KCNQ1: variants seen among roughly 807,000 people sequenced by gnomAD.
KCNQ1 encodes the protein potassium voltage-gated channel subfamily KQT member 1.
In KCNQ1, 49 loss-of-function variants were observed where a neutral mutation model predicts 72.4. That is an observed-to-expected ratio of 0.68 (90% confidence interval 0.54 to 0.86). The LOEUF (loss-of-function observed/expected upper bound fraction) is 0.86, where lower values mean the gene tolerates loss of function less well. Ranked by LOEUF, KCNQ1 falls within the 40% of genes least tolerant of loss-of-function variation. KCNQ1 has a pLI of 0.00. For synonymous variants in KCNQ1, 450 were observed against 412.6 expected, an observed-to-expected ratio of 1.09 and a Z score of -1.10; for missense variants, 790 against 945.1, an observed-to-expected ratio of 0.84 and a Z score of 2.15.
At chr11:2,719,858 T>C (rs1851173358) in intron 11 of KCNQ1, among the ~76,000 whole-genome samples, 1 of 152,030 alleles carries the variant, frequency 6.6e-6, no homozygotes, top group Admixed American at 6.6e-5. Flanking sequence ...CTTGGAGGTG[T>C]CCGAATAGTC....
chr11:2,538,685 G>A lies in KCNQ1; in HGVS notation c.477+10667G>A, dbSNP rs1847775083. Among the ~76,000 whole-genome samples, 1 of 152,030 alleles carries A rather than the reference G, an allele frequency of 6.6e-6. No individual in the cohort carries two copies. Among genetic ancestry groups the A allele is most frequent in the Admixed American group, 6.5e-5 (1 of 15,268 alleles). On this transcript the variant is annotated intron_variant, in intron 2 of 15. Transcript: ENST00000155840. The surrounding 1 kb of genome is among the most constrained non-coding windows in gnomAD (Gnocchi z 6.7). Reference sequence around the variant, plus strand: ...CCTGAGTATACGGGGCCTTGTGTGTGGAGGGGCCCTACGGTGAATCGTTTT... The same window carrying A: ...CCTGAGTATACGGGGCCTTGTGTGTAGAGGGGCCCTACGGTGAATCGTTTT...
rs897005676 is a variant in KCNQ1 at position 2,550,821 on chromosome 11, C to T, written c.478-19807C>T. On this transcript the variant is annotated intron_variant, in intron 2 of 15. Transcript: ENST00000155840. This position sits in a 1 kb window ranked among gnomAD's most constrained non-coding sequence, Gnocchi z 6.0. ...TGGACAGGAGCCAGGCTTCACCTAG[C>T]ACCTGGCTCCCCGGGGGCCCAGATG... Among the ~76,000 whole-genome samples the T allele has an allele frequency of 1.7e-4, 26 of 152,066 alleles. No homozygotes were observed. Among genetic ancestry groups the T allele is most frequent in the Admixed American group, 1.1e-3 (17 of 15,276 alleles).
chr11:2,629,055 T>A, intron 10 of KCNQ1: 1 of 398,330 alleles, frequency 2.5e-6, no homozygotes, highest in Non-Finnish European at 4.4e-6. Context: ...ATTGCTCAAG[T>A]ATGCTTTAGA....
In KCNQ1 at chr11:2,544,121, C is replaced by T. The variant is rs1847864366; in HGVS notation, c.477+16103C>T. ...AGCTGCTTACCAATTTTTGCAAAGCCTGGTAGAATTTTGTTTGGGATTGCA... is the reference window on the plus strand; with the variant it reads ...AGCTGCTTACCAATTTTTGCAAAGCTTGGTAGAATTTTGTTTGGGATTGCA... On this transcript the variant is annotated intron_variant, in intron 2 of 15. Transcript: ENST00000155840. This position sits in a 1 kb window ranked among gnomAD's most constrained non-coding sequence, Gnocchi z 4.4. Among the ~76,000 whole-genome samples, 3 of 151,842 alleles carry T rather than the reference C, an allele frequency of 2.0e-5. No homozygotes were observed. The South Asian group carries it at 6.2e-4, about 32-fold the overall frequency.
Position 2,689,930 on chromosome 11 carries a change from G to A in KCNQ1, c.1514+27849G>A. ...CTCCAACTTCTGGTACTCCCAGGCT[G>A]CCTCACCCAACGATGACAGTGACTA... On this transcript the variant is annotated intron_variant, in intron 11 of 15. Coordinates refer to ENST00000155840, the MANE Select transcript of KCNQ1 (RefSeq NM_000218.3). 3 of 398,818 alleles carry A rather than the reference G, an allele frequency of 7.5e-6. 1 individual carries two copies. The East Asian group carries it at 1.1e-4, about 14-fold the overall frequency. The allele number at this position is 398,818 out of a possible 1,614,324, so 24.7% of individuals were successfully genotyped here.
At chr11:2,604,184 G>T (rs1273965300) in intron 10 of KCNQ1, among the ~76,000 whole-genome samples, 5 of 151,980 alleles carry the variant, frequency 3.3e-5, no homozygotes, top group Admixed American at 2.6e-4. Flanking sequence ...GCATGAAAGA[G>T]ATATGAAAGG....
chr11:2,662,411 T>G (rs1849977715), intron 11 of KCNQ1: 1 of 416,106 alleles, frequency 2.4e-6, no homozygotes, highest in Admixed American at 3.9e-5. Flanking sequence ...AAGAGACGAC[T>G]TTGTTTTTTA....
chr11:2,575,199 C>T lies in KCNQ1; in HGVS notation c.921+2213C>T, dbSNP rs534782906. On this transcript the variant is annotated intron_variant, in intron 6 of 15. Coordinates refer to ENST00000155840, the MANE Select transcript of KCNQ1 (RefSeq NM_000218.3). ...CCCGCAGCAGAGCGGCACTCCCACTCCCACACCTGTGCAAACATCCGCCCG... is the reference window on the plus strand; with the variant it reads ...CCCGCAGCAGAGCGGCACTCCCACTTCCACACCTGTGCAAACATCCGCCCG... Among the ~76,000 whole-genome samples the T allele has an allele frequency of 1.9e-3, 284 of 152,342 alleles. 4 individuals carry two copies. The Middle Eastern group carries it at 0.024, about 13-fold the overall frequency.
rs1345778000 is a variant in KCNQ1 at position 2,566,945 on chromosome 11, A to G, written c.478-3683A>G. ...GGGATTGGGGGTGATGGGGGTGCTG[A>G]GCTGGCCTGAGAAGGGTGGGGTAAC... On this transcript the variant is annotated intron_variant, in intron 2 of 15. Transcript: ENST00000155840. The surrounding 1 kb of genome is among the most constrained non-coding windows in gnomAD (Gnocchi z 6.7). Among the ~76,000 whole-genome samples the G allele has an allele frequency of 1.2e-5, 1 of 85,924 alleles. No individual in the cohort carries two copies. The highest frequency in any genetic ancestry group is 2.3e-5 in the Non-Finnish European group (1 of 43,554). 56.4% of individuals were successfully genotyped at this position (85,924 alleles called of 152,430 possible). A position where few individuals can be genotyped will look rare whatever the true frequency, so the allele number is the denominator to read the frequency against.
At chr11:2,518,576 C>T (rs1847325672) in intron 1 of KCNQ1, among the ~76,000 whole-genome samples, 1 of 152,188 alleles carries the variant, frequency 6.6e-6, no homozygotes, top group African/African-American at 2.4e-5. Context: ...AGCTGAAACC[C>T]CAAGAGGCTG....
intron 11 of KCNQ1, chr11:2,672,544 C>T: frequency 2.5e-6 from 1 of 398,690 alleles, no homozygotes; most frequent in East Asian, 3.6e-5. Context: ...CTGTCTTCCA[C>T]ATTGGAAGGT....
intron 10 of KCNQ1, chr11:2,632,335 T>G: frequency 5.0e-6 from 2 of 398,496 alleles, no homozygotes; most frequent in Non-Finnish European, 8.8e-6. Context: ...ATAATTTTAA[T>G]TCTTCCTTTC....
rs190155887 is a variant in KCNQ1 at position 2,642,146 on chromosome 11, T to G, written c.1394-19815T>G. The G allele has an allele frequency of 4.0e-5, 16 of 398,462 alleles. No individual in the cohort carries two copies. The Admixed American group carries it at 6.6e-4, about 16-fold the overall frequency. 24.7% of individuals were successfully genotyped at this position (398,462 alleles called of 1,614,324 possible). On this transcript the variant is annotated intron_variant, in intron 10 of 15. Transcript: ENST00000155840. This position sits in a 1 kb window ranked among gnomAD's most constrained non-coding sequence, Gnocchi z 4.3. ...TCTGAATTTTAGGATTTTTTCTATT[T>G]CCATGAAAAATGGCATTGGTATTTT...
chr11:2,626,443 T>G lies in KCNQ1; in HGVS notation c.1394-35518T>G. 2.5e-6 allele frequency: 1 copy of G among 398,628 alleles called. No homozygotes were observed. Among genetic ancestry groups the G allele is most frequent in the African/African-American group, 2.1e-5 (1 of 48,760 alleles). 24.7% of individuals were successfully genotyped at this position (398,628 alleles called of 1,614,324 possible). On this transcript the variant is annotated intron_variant, in intron 10 of 15. Transcript: ENST00000155840. The surrounding 1 kb of genome is among the most constrained non-coding windows in gnomAD (Gnocchi z 4.0). ...TTTGATCATGTATACAAGGGTTTAT[T>G]TTTGGGCTCTCTATTCAATTCCATT...
rs199990610 is a variant in KCNQ1, at chr11:2,592,028, GAGTCCCCCGCAA to G, written c.1393+3179_1393+3190del. On this transcript the variant is annotated intron_variant, in intron 10 of 15. Transcript: ENST00000155840. The surrounding 1 kb of genome is among the most constrained non-coding windows in gnomAD (Gnocchi z 5.2). ...CAAGGCGGGTACGAACAGCCACACT[GAGTCCCCCGCAA>G]AGTCAAACCCAGGCCTCGACCTTGT... Among the ~76,000 whole-genome samples the G allele has an allele frequency of 2.4e-3, 360 of 152,368 alleles. 6 individuals are homozygous for G. Among genetic ancestry groups the G allele is most frequent in the Admixed American group, 0.018 (268 of 15,308 alleles).
At chr11:2,610,647 T>C in intron 10 of KCNQ1, 1 of 398,248 alleles carries the variant, frequency 2.5e-6, no homozygotes, top group Non-Finnish European at 4.4e-6. Context: ...TGTTTTTGTT[T>C]ATCTGGGAAT....
At position 2,482,902 on chromosome 11, in the gene KCNQ1, C is replaced by G. The variant is rs997273062; in HGVS notation, c.386+37418C>G. 6.6e-6 allele frequency among the ~76,000 whole-genome samples: 1 copy of G among 152,138 alleles called. No individual in the cohort carries two copies. Among genetic ancestry groups the G allele is most frequent in the African/African-American group, 2.4e-5 (1 of 41,414 alleles). On this transcript the variant is annotated intron_variant, in intron 1 of 15. Coordinates refer to ENST00000155840, the MANE Select transcript of KCNQ1 (RefSeq NM_000218.3). The surrounding 1 kb of genome is among the most constrained non-coding windows in gnomAD (Gnocchi z 5.7). ...CGAGGGTCACCCTCCAGGAAGTGAC[C>G]TGCAAGAGAATGGAGAGAGTCATGG...
In KCNQ1 at chr11:2,445,206, C is replaced by A; in HGVS notation, c.108C>A (p.Phe36Leu). ...CGGGCCTGGCCAAGAAGTGCCCCTTCTCGCTGGAGCTGGCGGAGGGCGGCC... is the reference window on the plus strand; with the variant it reads ...CGGGCCTGGCCAAGAAGTGCCCCTTATCGCTGGAGCTGGCGGAGGGCGGCC... The part of the protein sequence containing the change: ...GSAGLAKKCP[F>L]SLELAEGGPA... The change falls in exon 1 of 16, where the codon TTC (phenylalanine) becomes TTA (leucine). Residue 36 changes from phenylalanine (F) to leucine (L), a missense_variant. Transcript: ENST00000155840. 1 of 1,144,510 alleles carries A rather than the reference C, an allele frequency of 8.7e-7. No individual in the cohort carries two copies. The highest frequency in any genetic ancestry group is 2.9e-5 in the South Asian group (1 of 34,864). 70.9% of individuals were successfully genotyped at this position (1,144,510 alleles called of 1,614,324 possible). A position where few individuals can be genotyped will look rare whatever the true frequency, so the allele number is the denominator to read the frequency against.
At chr11:2,810,449 C>CTTTTTT (rs201954335) in intron 15 of KCNQ1, among the ~76,000 whole-genome samples, 2,176 of 152,264 alleles carry the variant, frequency 0.014, 39 homozygotes, top group Non-Finnish European at 0.021. Context: ...CTTTCTTCCC[C>CTTTTTT]TTTTTTATGG....
Sources: allele counts gnomAD v4.1 joint callset (sites outside exome capture counted in the v4.1 genomes callset), GRCh38; gene constraint gnomAD v4.1.1; non-coding constraint Gnocchi (gnomAD v3.1); transcripts MANE v1.5; gene names NCBI Gene and HGNC (gene_info 2026-07-23, HGNC 2026-07-21).